Variants in NRXN3 observed in about 807,000 individuals in gnomAD.
The protein encoded by NRXN3 is neurexin III.
Under a neutral mutation model 137.6 loss-of-function variants are expected in NRXN3, and 32 were observed. The ratio of observed to expected loss-of-function variants is 0.23; its 90% CI spans 0.18 to 0.31. The LOEUF (loss-of-function observed/expected upper bound fraction) is 0.31, where lower values mean the gene tolerates loss of function less well. NRXN3 is among the 10% of genes least tolerant of loss of function. The pLI is 1.00. For synonymous variants in NRXN3, 798 were observed against 784.5 expected, an observed-to-expected ratio of 1.02 and a Z score of -0.29; for missense variants, 1,574 against 2,062.5, an observed-to-expected ratio of 0.76 and a Z score of 4.59.
chr14:78,346,624 T>C lies in NRXN3; in HGVS notation c.757+48764T>C, dbSNP rs556696194. Among the ~76,000 whole-genome samples, 36 of 152,254 alleles carry C rather than the reference T, an allele frequency of 2.4e-4. No individual in the cohort carries two copies. The South Asian group carries it at 7.3e-3, about 31-fold the overall frequency. ...GAGATGAGCTCTTCTGACTTCTCAA[T>C]CTGTGATCCTTCTAACACCCCACCT... On this transcript the variant is annotated intron_variant, in intron 4 of 20. Transcript: ENST00000335750.
At position 79,660,239 on chromosome 14, in the gene NRXN3, T is replaced by C. The variant is rs923234760; in HGVS notation, c.3445-3539T>C. Among the ~76,000 whole-genome samples, 7 of 152,170 alleles carry C rather than the reference T, an allele frequency of 4.6e-5. 1 individual carries two copies. In the South Asian group the frequency reaches 1.2e-3, roughly 27 times the overall value. ...ATGGGTATTCGCCACAAGGCTTCCG[T>C]GACTTCTAATGAACTGAAACAAAGC... is the stretch of plus-strand genomic sequence containing the variant. On this transcript the variant is annotated intron_variant, in intron 16 of 20. Transcript: ENST00000335750.
At chr14:79,303,682 A>G (rs1465580033) in intron 15 of NRXN3, among the ~76,000 whole-genome samples, 2 of 152,090 alleles carry the variant, frequency 1.3e-5, no homozygotes, top group African/African-American at 4.8e-5. Context: ...GGCTTTTCAC[A>G]CCAGAAAGAT....
intron 20 of NRXN3, among the ~76,000 whole-genome samples, chr14:79,830,934 A>G (rs2099321366): frequency 6.6e-6 from 1 of 152,176 alleles, no homozygotes; most frequent in Non-Finnish European, 1.5e-5. Flanking sequence ...CTGATTGATG[A>G]AATGGGAAAC....
At chr14:78,434,723 A>G (rs2094003410) in intron 4 of NRXN3, among the ~76,000 whole-genome samples, 2 of 152,184 alleles carry the variant, frequency 1.3e-5, no homozygotes, top group African/African-American at 4.8e-5. Context: ...TATGATGAAT[A>G]AAAAGAATAC....
At chr14:79,372,368 ATCAT>A (rs2094137529) in intron 15 of NRXN3, among the ~76,000 whole-genome samples, 1 of 152,164 alleles carries the variant, frequency 6.6e-6, no homozygotes, top group Non-Finnish European at 1.5e-5. Flanking sequence ...ACATTTTGTC[ATCAT>A]TCTTTCTTTC....
At chr14:78,913,262 CTTTCTTTCTTTCTTTT>C (rs2099244836) in intron 10 of NRXN3, among the ~76,000 whole-genome samples, 1 of 80,392 alleles carries the variant, frequency 1.2e-5, no homozygotes, top group African/African-American at 6.3e-5. Flanking sequence ...TTCTTTCTTT[CTTTCTTTCTTTCTTTT>C]TTTTTTTTTT....
chr14:78,522,279 A>G (rs189930082), intron 4 of NRXN3, among the ~76,000 whole-genome samples: 1 of 152,344 alleles, frequency 6.6e-6, no homozygotes, highest in Non-Finnish European at 1.5e-5. Context: ...AAAATCAAAG[A>G]CACTAAGTAG....
intron 10 of NRXN3, among the ~76,000 whole-genome samples, chr14:78,883,241 A>C (rs1429581391): frequency 6.6e-6 from 1 of 152,214 alleles, no homozygotes; most frequent in African/African-American, 2.4e-5. Flanking sequence ...ATATAACAAA[A>C]TATATTAATG....
intron 15 of NRXN3, among the ~76,000 whole-genome samples, chr14:79,296,907 G>A (rs1161286845): frequency 6.6e-6 from 1 of 152,226 alleles, no homozygotes; most frequent in Non-Finnish European, 1.5e-5. Context: ...GTTCCTGCGT[G>A]ATCTGGCATC....
At chr14:79,219,666 T>C (rs564659242) in intron 15 of NRXN3, among the ~76,000 whole-genome samples, 1 of 152,314 alleles carries the variant, frequency 6.6e-6, no homozygotes, top group South Asian at 2.1e-4. Flanking sequence ...GTTTGGGACT[T>C]CTAAGGGAAA....
chr14:78,339,204 G>A (rs568976607), intron 4 of NRXN3, among the ~76,000 whole-genome samples: 39 of 152,332 alleles, frequency 2.6e-4, no homozygotes, highest in African/African-American at 8.4e-4. Context: ...TTTACCACAC[G>A]TGAGGCACTT....
intron 16 of NRXN3, among the ~76,000 whole-genome samples, chr14:79,624,122 G>A (rs2098255672): frequency 6.6e-6 from 1 of 152,074 alleles, no homozygotes; most frequent in Admixed American, 6.5e-5. Context: ...ATGGGGAGCA[G>A]GTGACATTGC....
intron 15 of NRXN3, among the ~76,000 whole-genome samples, chr14:79,193,198 G>C (rs2064656785): frequency 6.6e-6 from 1 of 152,090 alleles, no homozygotes; most frequent in African/African-American, 2.4e-5. Context: ...TTATAGATAT[G>C]CTATAGCCTC....
At chr14:79,325,161 T>G (rs373025823) in intron 15 of NRXN3, among the ~76,000 whole-genome samples, 13 of 152,250 alleles carry the variant, frequency 8.5e-5, no homozygotes, top group African/African-American at 3.1e-4. Flanking sequence ...ACATTAGAAA[T>G]AGCTATTTTA....
rs138395564 is a variant in NRXN3 at position 78,700,604 on chromosome 14, A to G, written c.1222-8613A>G. 7.9e-4 allele frequency among the ~76,000 whole-genome samples: 121 copies of G among 152,226 alleles called. No individual in the cohort carries two copies. In the East Asian group the frequency reaches 0.017, roughly 22 times the overall value. On this transcript the variant is annotated intron_variant, in intron 6 of 20. Coordinates refer to ENST00000335750, the MANE Select transcript of NRXN3 (RefSeq NM_001330195.2). ...CCCCCTACTTGCCAGTTCATGTCTT[A>G]TGTCTCTGCCTGGGTCTGTCTATGT...
intron 11 of NRXN3, 62 bp downstream of exon 11, chr14:78,957,423 A>G (rs1344961421): frequency 1.9e-6 from 3 of 1,563,210 alleles, no homozygotes; most frequent in Non-Finnish European, 2.6e-6. Flanking sequence ...TCACTGAGTG[A>G]GCAAACAGTG....
intron 16 of NRXN3, among the ~76,000 whole-genome samples, chr14:79,560,672 G>C (rs1412798826): frequency 6.6e-6 from 1 of 151,532 alleles, no homozygotes; most frequent in Non-Finnish European, 1.5e-5. Context: ...CTCCACGCCT[G>C]GGATTACAAG....
At chr14:78,498,184 A>G (rs1252488347) in intron 4 of NRXN3, among the ~76,000 whole-genome samples, 2 of 152,144 alleles carry the variant, frequency 1.3e-5, no homozygotes, top group South Asian at 2.1e-4. Flanking sequence ...AAAAGTGTTC[A>G]GTGTGTCTGT....
intron 4 of NRXN3, among the ~76,000 whole-genome samples, chr14:78,581,668 C>T (rs2152361857): frequency 6.6e-6 from 1 of 152,272 alleles, no homozygotes; most frequent in South Asian, 2.1e-4. Context: ...ACATTTTCAT[C>T]TCTGAAGACA....
Sources: allele counts gnomAD v4.1 joint callset (sites outside exome capture counted in the v4.1 genomes callset), GRCh38; gene constraint gnomAD v4.1.1; transcripts MANE v1.5; gene names NCBI Gene and HGNC (gene_info 2026-07-23, HGNC 2026-07-21).